MATN2: variants seen among roughly 807,000 people sequenced by gnomAD.
The protein encoded by MATN2 is matrilin-2.
A neutral mutation model predicts 103.2 loss-of-function variants in MATN2; 69 were observed. The ratio of observed to expected loss-of-function variants is 0.67; its 90% confidence interval spans 0.55 to 0.82. The LOEUF (loss-of-function observed/expected upper bound fraction) is 0.82, where lower values mean the gene tolerates loss of function less well. Among genes scored for constraint, MATN2 ranks in the 40% least tolerant of loss-of-function variants. MATN2 has a pLI of 0.00. For synonymous variants in MATN2, 429 were observed against 450.2 expected (o/e 0.95, Z 0.60); for missense variants, 1,023 against 1,211.5 (o/e 0.84, Z 2.31).
At position 97,888,133 on chromosome 8, in the gene MATN2, G is replaced by T. The variant is rs1454677168; in HGVS notation, c.33G>T (p.Leu11=). 13 of 1,607,368 alleles carry T rather than the reference G, an allele frequency of 8.1e-6. No homozygotes were observed. In the East Asian group the frequency reaches 9.0e-5, roughly 11 times the overall value. The change falls in exon 2 of 19, where the codon CTG becomes CTT. Residue 11 remains leucine (L), a synonymous_variant. Coordinates refer to ENST00000254898, the MANE Select transcript of MATN2 (RefSeq NM_002380.5). ...AGATGCTCGCAGGCTGCTTTCTGCT[G>T]ATCCTCGGACAGATCGTCCTCCTCC... is the stretch of plus-strand genomic sequence containing the variant. The part of the protein sequence containing the change: MEKMLAGCFL[L]ILGQIVLLPA...
At position 97,931,135 on chromosome 8, in the gene MATN2, T is replaced by A; in HGVS notation, c.325T>A (p.Phe109Ile). 6.2e-7 allele frequency: 1 copy of A among 1,613,872 alleles called. No homozygotes were observed. Among genetic ancestry groups the A allele is most frequent in the Non-Finnish European group, 8.5e-7 (1 of 1,179,868 alleles). ...LQYGSTVKNE[F>I]SLKTFKRKSE... The stretch of plus-strand genomic sequence containing the variant: ...ATATGGCAGCACTGTCAAGAATGAG[T>A]TCTCCCTCAAGACCTTCAAGAGGAA... The change falls in exon 3 of 19, where the codon TTC (phenylalanine) becomes ATC (isoleucine). Residue 109 changes from phenylalanine (F) to isoleucine (I), a missense_variant. Phe to Ile is a conservative substitution (Grantham distance 21). Transcript: ENST00000254898. This position sits in a 1 kb window ranked among gnomAD's most constrained non-coding sequence, Gnocchi z 4.1.
chr8:97,893,261 G>A (rs1355692009), intron 2 of MATN2, among the ~76,000 whole-genome samples: 9 of 152,194 alleles, frequency 5.9e-5, no homozygotes, highest in Non-Finnish European at 8.8e-5. Context: ...CTGGCAGGTA[G>A]AGTCGGAGAA....
At chr8:98,033,750 A>C (rs2255464) in intron 18 of MATN2, 91 bp downstream of exon 18, 355,588 of 868,026 alleles carry the variant, frequency 0.41, 76,666 homozygotes, top group African/African-American at 0.68. Context: ...CAACTGAAGT[A>C]AATCCCACGA....
intron 2 of MATN2, among the ~76,000 whole-genome samples, chr8:97,922,750 TAG>T (rs1460053038): frequency 6.6e-6 from 1 of 152,192 alleles, no homozygotes; most frequent in East Asian, 1.9e-4. Flanking sequence ...TACCAAAAGG[TAG>T]TCAACCACTC....
chr8:97,973,973 A>C (rs1811749653), intron 5 of MATN2, among the ~76,000 whole-genome samples: 1 of 152,170 alleles, frequency 6.6e-6, no homozygotes, highest in Non-Finnish European at 1.5e-5. Context: ...AACTCTTGTA[A>C]ATTTTAATGG....
chr8:97,989,145 AT>A (rs1244502672), intron 6 of MATN2, among the ~76,000 whole-genome samples: 2 of 152,172 alleles, frequency 1.3e-5, no homozygotes, highest in Non-Finnish European at 2.9e-5. Context: ...TCTGACATTC[AT>A]TTTTTCTTTA....
intron 3 of MATN2, among the ~76,000 whole-genome samples, chr8:97,938,264 AAG>A (rs1379379640): frequency 2.6e-5 from 4 of 152,222 alleles, no homozygotes; most frequent in Admixed American, 2.6e-4. Flanking sequence ...CCAGGAAAAG[AAG>A]AGAGTCTTTC....
At chr8:97,899,886 C>T (rs969870777) in intron 2 of MATN2, among the ~76,000 whole-genome samples, 1 of 152,170 alleles carries the variant, frequency 6.6e-6, no homozygotes, top group African/African-American at 2.4e-5. Flanking sequence ...TTTATGTTCC[C>T]ACTTCAGGGT....
chr8:97,924,962 T>A (rs1332667822), intron 2 of MATN2, among the ~76,000 whole-genome samples: 1 of 152,146 alleles, frequency 6.6e-6, no homozygotes, highest in African/African-American at 2.4e-5. Context: ...AGATCCCAGC[T>A]CCTCTACTTC....
At chr8:97,879,708 T>C (rs1818193503) in intron 1 of MATN2, among the ~76,000 whole-genome samples, 1 of 152,168 alleles carries the variant, frequency 6.6e-6, no homozygotes, top group Non-Finnish European at 1.5e-5. Context: ...AGCATGACCA[T>C]GAAAGGATTT....
intron 13 of MATN2, among the ~76,000 whole-genome samples, chr8:98,022,955 G>A (rs1037170566): frequency 2.0e-5 from 3 of 152,198 alleles, no homozygotes; most frequent in African/African-American, 7.2e-5. Flanking sequence ...AGGCGTGGTG[G>A]CACGCATCTA....
At position 98,007,418 on chromosome 8, in the gene MATN2, T is replaced by A; in HGVS notation, c.1451-61T>A. 14 of 1,586,778 alleles carry A rather than the reference T, an allele frequency of 8.8e-6. No homozygotes were observed. The highest frequency in any genetic ancestry group is 1.1e-5 in the Non-Finnish European group (13 of 1,159,902). On this transcript the variant is annotated intron_variant, in intron 9 of 18. Coordinates refer to ENST00000254898, the MANE Select transcript of MATN2 (RefSeq NM_002380.5). This position sits in a 1 kb window ranked among gnomAD's most constrained non-coding sequence, Gnocchi z 4.2. ...CGGGGTGAGCATGACGGTCACTTGA[T>A]CCAATCACTGTCGCCCAGAGGTCTC...
At chr8:97,900,343 A>G (rs1818937579) in intron 2 of MATN2, among the ~76,000 whole-genome samples, 1 of 152,252 alleles carries the variant, frequency 6.6e-6, no homozygotes, top group South Asian at 2.1e-4. Flanking sequence ...GGGAGAAACA[A>G]GATGAATGGA....
chr8:98,019,758 ACTTG>A (rs1813516178), intron 12 of MATN2, among the ~76,000 whole-genome samples: 1 of 152,190 alleles, frequency 6.6e-6, no homozygotes, highest in Non-Finnish European at 1.5e-5. Flanking sequence ...GACAAAGTCT[ACTTG>A]CTTTTGTGAC....
At chr8:97,906,829 A>G (rs1447455978) in intron 2 of MATN2, among the ~76,000 whole-genome samples, 7 of 152,020 alleles carry the variant, frequency 4.6e-5, no homozygotes, top group Non-Finnish European at 8.8e-5. Flanking sequence ...TAATTACAGA[A>G]TAGGTGTCTT....
Position 98,027,782 on chromosome 8 carries a change from G to A in MATN2, c.2309G>A (p.Arg770Gln), listed in dbSNP as rs751343839. ...PRAAIVFTDG[R>Q]AQDDVSEWAS... ...GCAGCCATTGTGTTCACCGACGGACGGGCTCAGGATGACGTCTCCGAGTGG... is the reference window on the plus strand; with the variant it reads ...GCAGCCATTGTGTTCACCGACGGACAGGCTCAGGATGACGTCTCCGAGTGG... The change falls in exon 14 of 19, where the codon CGG becomes CAG. Residue 770 changes from arginine (R) to glutamine (Q), a missense_variant. Physicochemically the swap from Arg to Gln is conservative, Grantham distance 43 (BLOSUM62 1). Transcript: ENST00000254898. The A allele has an allele frequency of 1.3e-5, 21 of 1,599,412 alleles. No homozygotes were observed. Among genetic ancestry groups the A allele is most frequent in the East Asian group, 8.9e-5 (4 of 44,694 alleles).
intron 2 of MATN2, among the ~76,000 whole-genome samples, chr8:97,890,241 C>T (rs561438115): frequency 5.9e-5 from 9 of 152,110 alleles, no homozygotes; most frequent in African/African-American, 9.6e-5. Flanking sequence ...CCGAGGTGGG[C>T]GGATCACAAG....
chr8:97,943,000 G>A (rs1284731264), intron 4 of MATN2, among the ~76,000 whole-genome samples: 2 of 151,926 alleles, frequency 1.3e-5, no homozygotes, highest in Non-Finnish European at 2.9e-5. Context: ...TGGGGTGGGC[G>A]GTATGTGTTC....
rs1200495706 is a variant in MATN2, at chr8:97,988,589, GCACT to G, written c.1082-5889_1082-5886del. Among the ~76,000 whole-genome samples the G allele has an allele frequency of 8.6e-5, 13 of 151,888 alleles. No homozygotes were observed. In the South Asian group the frequency reaches 2.7e-3, roughly 32 times the overall value. ...TTCAGTAAGCCACGATCACACCACT[GCACT>G]CCAGCCTGGGCAACAGAGTGAGACT... is the stretch of plus-strand genomic sequence containing the variant. On this transcript the variant is annotated intron_variant, in intron 6 of 18. Transcript: ENST00000254898.
Sources: gnomAD v4.1 joint callset for allele counts (sites outside exome capture counted in the v4.1 genomes callset) on GRCh38, gnomAD v4.1.1 for gene constraint, Gnocchi (gnomAD v3.1) non-coding constraint, MANE v1.5 for transcripts, NCBI Gene and HGNC (gene_info 2026-07-23, HGNC 2026-07-21) for gene names.